The following DSG2 variants were observed in gnomAD, a reference collection of about 807,000 sequenced individuals.
DSG2 encodes desmoglein-2.
A neutral mutation model predicts 75.6 loss-of-function variants in DSG2; 45 were observed. The ratio of observed to expected loss-of-function variants is 0.60; its 90% CI spans 0.47 to 0.76. DSG2 has a LOEUF of 0.76. DSG2 is among the 30% of genes least tolerant of loss of function. The probability of loss-of-function intolerance (pLI) is 0.00; values close to 1 mark genes in which losing one functional copy is unlikely to be tolerated. For synonymous variants in DSG2, 429 were observed against 483.9 expected (o/e 0.89, Z 1.49); for missense variants, 1,267 against 1,357.4 (o/e 0.93, Z 1.05).
Position 31,542,718 on chromosome 18 carries a change from G to A in DSG2, c.2200G>A (p.Gly734Arg). 6.2e-7 allele frequency: 1 copy of A among 1,614,222 alleles called. No homozygotes were observed. The highest frequency in any genetic ancestry group is 8.5e-7 in the Non-Finnish European group (1 of 1,180,042). The change falls in exon 14 of 15, where the codon GGG becomes AGG. Residue 734 changes from glycine to arginine, a missense_variant. Transcript: ENST00000261590. Reference sequence around the variant, plus strand: ...TTCTGGTAGAGCTACCCAGTTTACAGGGGCCACAGGCGCTATCATGACCAC... The same window carrying A: ...TTCTGGTAGAGCTACCCAGTTTACAAGGGCCACAGGCGCTATCATGACCAC... ...LLSGRATQFTGATGAIMTTET... is the reference protein window; with the variant it reads ...LLSGRATQFTRATGAIMTTET...
intron 14 of DSG2, 57 bp downstream of exon 14, chr18:31,542,909 A>C: frequency 9.3e-7 from 1 of 1,079,596 alleles, no homozygotes; most frequent in Non-Finnish European, 1.3e-6. Flanking sequence ...TTGTATGTGA[A>C]TGTGATATTA....
chr18:31,516,818 C>T (rs918712399), intron 1 of DSG2, among the ~76,000 whole-genome samples: 1 of 152,164 alleles, frequency 6.6e-6, no homozygotes, highest in Non-Finnish European at 1.5e-5. Flanking sequence ...GAAAATGAAG[C>T]CTCCCTGGTG....
chr18:31,528,634 C>A (rs569583688), intron 8 of DSG2, among the ~76,000 whole-genome samples: 1 of 149,452 alleles, frequency 6.7e-6, no homozygotes, highest in South Asian at 2.1e-4. Context: ...TGCCTGAACC[C>A]GGGAGGCAGA....
intron 3 of DSG2, among the ~76,000 whole-genome samples, chr18:31,520,447 A>C (rs571751489): frequency 8.5e-4 from 129 of 152,190 alleles, no homozygotes; most frequent in Non-Finnish European, 1.6e-3. Flanking sequence ...TGGCATGCAC[A>C]AACATAAACC....
At chr18:31,530,730 A>G (rs2073191175) in intron 8 of DSG2, among the ~76,000 whole-genome samples, 1 of 152,116 alleles carries the variant, frequency 6.6e-6, no homozygotes, top group Non-Finnish European at 1.5e-5. Context: ...AAATATATAT[A>G]TATATTTACA....
At chr18:31,511,926 T>G (rs1192537746) in intron 1 of DSG2, among the ~76,000 whole-genome samples, 2 of 152,166 alleles carry the variant, frequency 1.3e-5, no homozygotes, top group Admixed American at 1.3e-4. Flanking sequence ...AGATTAGCCT[T>G]GCCTGTGTCA....
Position 31,540,884 on chromosome 18 carries a change from A to T in DSG2, c.1880-309A>T, listed in dbSNP as rs559124706. Among the ~76,000 whole-genome samples the T allele has an allele frequency of 1.7e-3, 258 of 152,244 alleles. 1 individual carries two copies. Among genetic ancestry groups the T allele is most frequent in the Non-Finnish European group, 1.8e-3 (124 of 68,022 alleles). On this transcript the variant is annotated intron_variant, in intron 12 of 14. Coordinates refer to ENST00000261590, the MANE Select transcript of DSG2 (RefSeq NM_001943.5). ...ATAGTTTTAAAAAAATTAATCTTTA[A>T]GCTGGTTTTGATGATTTGGATACTA...
intron 11 of DSG2, among the ~76,000 whole-genome samples, chr18:31,537,256 T>C (rs1338207231): frequency 6.6e-6 from 1 of 152,194 alleles, no homozygotes; most frequent in Non-Finnish European, 1.5e-5. Context: ...TTAAACACCA[T>C]CAATATTTCA....
chr18:31,507,746 A>G (rs2073046285), intron 1 of DSG2, among the ~76,000 whole-genome samples: 2 of 152,098 alleles, frequency 1.3e-5, no homozygotes, highest in East Asian at 1.9e-4. Context: ...GTCTGTTCAT[A>G]TCCTTCACCC....
intron 12 of DSG2, 132 bp from the exon 13 acceptor site, chr18:31,541,061 A>G: frequency 8.2e-7 from 1 of 1,215,202 alleles, no homozygotes; most frequent in Non-Finnish European, 1.2e-6. Context: ...CAGGGTGAAG[A>G]AAAGAAAAAT....
rs780327696 is a variant in DSG2 at position 31,546,337 on chromosome 18, C to A, written c.2951C>A (p.Thr984Lys). ...LVDQPYANEG[T>K]VVVTERVIQP... is the part of the protein sequence containing the mutation. ...GATCAGCCTTATGCTAATGAAGGTA[C>A]AGTTGTGGTCACTGAAAGAGTAATA... Residue 984 changes from threonine (T) to lysine (K), a missense_variant, in exon 15 of 15, where the codon ACA becomes AAA. Transcript: ENST00000261590. 1 of 1,611,682 alleles carries A rather than the reference C, an allele frequency of 6.2e-7. No individual in the cohort carries two copies. The highest frequency in any genetic ancestry group is 1.7e-5 in the Admixed American group (1 of 59,922).
At chr18:31,527,632 A>G (rs2073170408) in intron 8 of DSG2, among the ~76,000 whole-genome samples, 2 of 152,248 alleles carry the variant, frequency 1.3e-5, no homozygotes, top group African/African-American at 2.4e-5. Flanking sequence ...TACCCACGTG[A>G]AAAGGTGCCA....
chr18:31,532,250 G>C (rs543747188), intron 9 of DSG2, among the ~76,000 whole-genome samples: 8 of 152,282 alleles, frequency 5.3e-5, no homozygotes, highest in Non-Finnish European at 1.0e-4. Context: ...TTCCAAGATG[G>C]CACCATCTTG....
chr18:31,540,020 T>A lies in DSG2; in HGVS notation c.1879+1042T>A, dbSNP rs558464451. On this transcript the variant is annotated intron_variant, in intron 12 of 14. Transcript: ENST00000261590. Reference sequence around the variant, plus strand: ...GTCACTGTCTCCCATCACCCCCAGATGGGACCATCTAGTTGCAGAAAAATA... The same window carrying A: ...GTCACTGTCTCCCATCACCCCCAGAAGGGACCATCTAGTTGCAGAAAAATA... Among the ~76,000 whole-genome samples, 96 of 152,250 alleles carry A rather than the reference T, an allele frequency of 6.3e-4. 2 individuals are homozygous for A. In the South Asian group the frequency reaches 0.019, roughly 30 times the overall value.
chr18:31,537,173 T>G (rs2073236073), intron 11 of DSG2, among the ~76,000 whole-genome samples: 1 of 152,238 alleles, frequency 6.6e-6, no homozygotes, highest in Non-Finnish European at 1.5e-5. Flanking sequence ...TTTACAGCTT[T>G]ATTGTGTTAA....
Position 31,545,820 on chromosome 18 carries a change from G to A in DSG2, c.2434G>A (p.Gly812Ser), listed in dbSNP as rs121913010. Residue 812 changes from glycine (G) to serine (S), a missense_variant, in exon 15 of 15, where the codon GGT (glycine) becomes AGT (serine). Gly to Ser is a moderately conservative substitution (Grantham distance 56). Transcript: ENST00000261590. ...EETESLNASI[G>S]CCSFIEGELD... ...AACTGAATCGCTGAATGCTTCTATT[G>A]GTTGTTGCAGTTTTATTGAAGGAGA... The A allele has an allele frequency of 3.7e-5, 59 of 1,614,012 alleles. No homozygotes were observed. In the Middle Eastern group the frequency reaches 4.9e-4, roughly 13 times the overall value.
intron 8 of DSG2, among the ~76,000 whole-genome samples, chr18:31,525,344 C>T (rs1281254740): frequency 6.6e-6 from 1 of 151,982 alleles, no homozygotes; most frequent in Non-Finnish European, 1.5e-5. Context: ...GGCAAATCCC[C>T]GCTTCTACGA....
At chr18:31,541,444 A>C (rs2073267595) in intron 13 of DSG2, 130 bp downstream of exon 13, 2 of 1,198,992 alleles carry the variant, frequency 1.7e-6, no homozygotes, top group African/African-American at 1.5e-5. Flanking sequence ...TGCCTTTGTT[A>C]AGCAAAGAGT....
chr18:31,511,719 A>G (rs1480785570), intron 1 of DSG2, among the ~76,000 whole-genome samples: 1 of 152,236 alleles, frequency 6.6e-6, no homozygotes, highest in East Asian at 1.9e-4. Flanking sequence ...TAAGATGCAC[A>G]TCAATTCTTC....
Sources: allele counts gnomAD v4.1 joint callset (sites outside exome capture counted in the v4.1 genomes callset), GRCh38; gene constraint gnomAD v4.1.1; transcripts MANE v1.5; gene names NCBI Gene and HGNC (gene_info 2026-07-23, HGNC 2026-07-21).